WDFY2: variants seen among roughly 807,000 people sequenced by gnomAD.
The protein encoded by WDFY2 is WD repeat and FYVE domain-containing protein 2.
Under a neutral mutation model 56.4 loss-of-function variants are expected in WDFY2, and 36 were observed. That is an observed-to-expected ratio of 0.64 (90% confidence interval 0.49 to 0.84). The LOEUF is 0.84. Ranked by LOEUF, WDFY2 falls within the 40% of genes least tolerant of loss-of-function variation. WDFY2 has a pLI of 0.00. For synonymous variants in WDFY2, 176 were observed against 183.7 expected, an observed-to-expected ratio of 0.96 and a Z score of 0.34; for missense variants, 444 against 512.2, an observed-to-expected ratio of 0.87 and a Z score of 1.29.
rs1391448503 is a variant in WDFY2 at position 51,762,097 on chromosome 13, CTGTG to C, written c.*2332_*2335del. 6.6e-6 allele frequency: 1 copy of C among 152,202 alleles called. No individual in the cohort carries two copies. 9.4% of individuals were successfully genotyped at this position (152,202 alleles called of 1,614,324 possible). On this transcript the variant is annotated 3_prime_UTR_variant, in exon 12 of 12. Transcript: ENST00000298125. ...TTACTAAGTTGTATGTAATATAGGA[CTGTG>C]TGTTGGAAATGAGTAATAGAGCTGA...
intron 9 of WDFY2, 31 bp from the exon 10 acceptor site, chr13:51,756,301 G>C: frequency 6.3e-7 from 1 of 1,599,826 alleles, no homozygotes; most frequent in Non-Finnish European, 8.5e-7. Context: ...AGGGAGCCGT[G>C]ATGAGTATCT....
intron 1 of WDFY2, among the ~76,000 whole-genome samples, chr13:51,649,468 A>T (rs562191974): frequency 1.5e-4 from 22 of 150,126 alleles, no homozygotes; most frequent in Non-Finnish European, 2.4e-4. Context: ...GTATATGTGC[A>T]CAACATGCAG....
intron 1 of WDFY2, among the ~76,000 whole-genome samples, chr13:51,649,606 G>C (rs1955332180): frequency 8.6e-6 from 1 of 116,186 alleles, no homozygotes; most frequent in South Asian, 2.6e-4. Flanking sequence ...CCCCAGCCCT[G>C]GTGTGTGATG....
rs540446653 is a variant in WDFY2 at position 51,651,722 on chromosome 13, A to G, written c.138-8874A>G. ...TTGTTCAGTTTCCATGTAGTTGGGC[A>G]GTTTTGAGTGAGTTTCTTAATGCTG... is the stretch of plus-strand genomic sequence containing the variant. On this transcript the variant is annotated intron_variant, in intron 1 of 11. Coordinates refer to ENST00000298125, the MANE Select transcript of WDFY2 (RefSeq NM_052950.4). Among the ~76,000 whole-genome samples, 8 of 152,244 alleles carry G rather than the reference A, an allele frequency of 5.3e-5. No homozygotes were observed. The East Asian group carries it at 9.6e-4, about 18-fold the overall frequency.
intron 1 of WDFY2, among the ~76,000 whole-genome samples, chr13:51,617,478 G>A (rs577141962): frequency 6.6e-6 from 1 of 152,104 alleles, no homozygotes; most frequent in Admixed American, 6.5e-5. Context: ...TCATCATTCA[G>A]TACAAAGTTG....
intron 4 of WDFY2, among the ~76,000 whole-genome samples, chr13:51,713,254 A>AT (rs1354973152): frequency 6.6e-6 from 1 of 152,260 alleles, no homozygotes; most frequent in Non-Finnish European, 1.5e-5. Context: ...ATCCAGCAAT[A>AT]TGTAAAAAAG....
At chr13:51,715,757 C>A (rs545273831) in intron 4 of WDFY2, among the ~76,000 whole-genome samples, 2 of 152,254 alleles carry the variant, frequency 1.3e-5, no homozygotes, top group African/African-American at 4.8e-5. Context: ...AAATGACTGG[C>A]AGCACAGTGG....
Position 51,735,563 on chromosome 13 carries a change from G to T in WDFY2, c.599-3486G>T, listed in dbSNP as rs538114936. Among the ~76,000 whole-genome samples the T allele has an allele frequency of 1.1e-4, 16 of 152,256 alleles. No individual in the cohort carries two copies. The East Asian group carries it at 2.9e-3, about 28-fold the overall frequency. ...AGAGAATGGCTCGACCAAACATAAC[G>T]TGCATGCTCTTCTGTTCTCAAAAGT... On this transcript the variant is annotated intron_variant, in intron 6 of 11. Transcript: ENST00000298125.
intron 1 of WDFY2, among the ~76,000 whole-genome samples, chr13:51,606,850 T>C (rs1387895981): frequency 2.0e-5 from 3 of 152,162 alleles, no homozygotes; most frequent in African/African-American, 7.2e-5. Context: ...AATAATAATT[T>C]TTCACCATGT....
intron 1 of WDFY2, among the ~76,000 whole-genome samples, chr13:51,659,485 C>T (rs1052207699): frequency 2.6e-5 from 4 of 152,136 alleles, no homozygotes; most frequent in Non-Finnish European, 4.4e-5. Context: ...TTCACTATTT[C>T]CTCTGGTCTC....
At chr13:51,737,611 C>G (rs868045731) in intron 6 of WDFY2, among the ~76,000 whole-genome samples, 32 of 131,578 alleles carry the variant, frequency 2.4e-4, no homozygotes, top group South Asian at 7.6e-4. Flanking sequence ...TGAGTGTAGT[C>G]AAGGAAGATG....
chr13:51,741,317 T>C (rs1260352128), intron 7 of WDFY2, among the ~76,000 whole-genome samples: 1 of 152,222 alleles, frequency 6.6e-6, no homozygotes, highest in Non-Finnish European at 1.5e-5. Context: ...TCAAGCTTAG[T>C]AATACATAAA....
chr13:51,715,983 A>G (rs2090657545), intron 4 of WDFY2, among the ~76,000 whole-genome samples: 2 of 152,196 alleles, frequency 1.3e-5, no homozygotes, highest in South Asian at 4.1e-4. Flanking sequence ...AATAACCTCA[A>G]TGTCCATCAG....
intron 1 of WDFY2, among the ~76,000 whole-genome samples, chr13:51,635,005 C>T (rs1454158416): frequency 6.6e-6 from 1 of 152,162 alleles, no homozygotes; most frequent in African/African-American, 2.4e-5. Flanking sequence ...GTGGCACCAC[C>T]TTGGCTCACT....
At chr13:51,707,382 CTCCTAAGCTCAAGCAA>C (rs1375176209) in intron 4 of WDFY2, among the ~76,000 whole-genome samples, 2 of 152,102 alleles carry the variant, frequency 1.3e-5, no homozygotes, top group Non-Finnish European at 2.9e-5. Context: ...TGGTCTCGAA[CTCCTAAGCTCAAGCAA>C]TCCACCAACC....
At chr13:51,672,504 GCTTAGT>G (rs1955824846) in intron 2 of WDFY2, among the ~76,000 whole-genome samples, 1 of 151,904 alleles carries the variant, frequency 6.6e-6, no homozygotes, top group South Asian at 2.1e-4. Flanking sequence ...TGTTCTTTTT[GCTTAGT>G]CTTGCTTTGG....
rs758572529 is a variant in WDFY2 at position 51,592,350 on chromosome 13, G to A, written c.137+7526G>A. The A allele has an allele frequency of 3.9e-5, 6 of 152,174 alleles. No homozygotes were observed. The South Asian group carries it at 1.2e-3, about 32-fold the overall frequency. 9.4% of individuals were successfully genotyped at this position (152,174 alleles called of 1,614,324 possible). ...AGCACTTTGGGGGGTTGAGGCGGGT[G>A]GATCACCTGAGGTCAGGAGTTTGAG... On this transcript the variant is annotated intron_variant, in intron 1 of 11. Coordinates refer to ENST00000298125, the MANE Select transcript of WDFY2 (RefSeq NM_052950.4).
chr13:51,704,353 A>C (rs915399644), intron 4 of WDFY2, among the ~76,000 whole-genome samples: 2 of 152,228 alleles, frequency 1.3e-5, no homozygotes, highest in African/African-American at 4.8e-5. Flanking sequence ...CATATCATTC[A>C]TCAAATATTT....
At chr13:51,618,569 A>G (rs1322674348) in intron 1 of WDFY2, among the ~76,000 whole-genome samples, 1 of 152,238 alleles carries the variant, frequency 6.6e-6, no homozygotes, top group Non-Finnish European at 1.5e-5. Context: ...TTTATAATTA[A>G]TGAATCTTGA....
Sources: allele counts gnomAD v4.1 joint callset (sites outside exome capture counted in the v4.1 genomes callset), GRCh38; gene constraint gnomAD v4.1.1; transcripts MANE v1.5; gene names NCBI Gene and HGNC (gene_info 2026-07-23, HGNC 2026-07-21).